The following ZNF423 variants were observed in gnomAD, a reference collection of about 807,000 sequenced individuals.
ZNF423 encodes the protein zinc finger protein 423.
In ZNF423, 12 loss-of-function variants were observed where a neutral mutation model predicts 95.8. The ratio of observed to expected loss-of-function variants is 0.13; its 90% CI spans 0.08 to 0.20. ZNF423 has a LOEUF of 0.20. ZNF423 is among the 10% of genes least tolerant of loss of function. ZNF423 has a pLI of 1.00. For missense variants in ZNF423, 1,316 were observed against 1,737.1 expected (o/e 0.76, Z 4.31); for synonymous variants, 749 against 711.9 (o/e 1.05, Z -0.83).
chr16:49,718,252 CT>C (rs1346307371), intron 3 of ZNF423, among the ~76,000 whole-genome samples: 1 of 152,030 alleles, frequency 6.6e-6, no homozygotes, highest in Admixed American at 6.6e-5. Flanking sequence ...AAACCCCTTC[CT>C]ACTAAAAATA....
intron 3 of ZNF423, among the ~76,000 whole-genome samples, chr16:49,694,758 C>T (rs1156699873): frequency 1.3e-5 from 2 of 152,174 alleles, no homozygotes; most frequent in Admixed American, 6.5e-5. Context: ...GGGCAGGCAC[C>T]GCCAGCCACA....
In ZNF423 at chr16:49,815,881, A is replaced by AATATATAT. The variant is rs1169322824; in HGVS notation, c.41-26343_41-26336dup. On this transcript the variant is annotated intron_variant, in intron 1 of 7. Transcript: ENST00000563137. ...TAATTCCAAACAAACAAAAAAAAAA[A>AATATATAT]ATATATATATATATATATATATATA... Among the ~76,000 whole-genome samples, 12 of 47,588 alleles carry AATATATAT rather than the reference A, an allele frequency of 2.5e-4. No individual in the cohort carries two copies. In the East Asian group the frequency reaches 2.6e-3, roughly 10 times the overall value. 31.2% of individuals were successfully genotyped at this position (47,588 alleles called of 152,430 possible). A position where few individuals can be genotyped will look rare whatever the true frequency, so the allele number is the denominator to read the frequency against.
chr16:49,633,104 G>A (rs1195097186), intron 4 of ZNF423, among the ~76,000 whole-genome samples: 1 of 152,224 alleles, frequency 6.6e-6, no homozygotes, highest in Non-Finnish European at 1.5e-5. Context: ...GGGCTGTGGT[G>A]CAGATGCTGC....
At chr16:49,800,080 C>A (rs1385251483) in intron 1 of ZNF423, among the ~76,000 whole-genome samples, 1 of 152,066 alleles carries the variant, frequency 6.6e-6, no homozygotes, top group African/African-American at 2.4e-5. Context: ...CCTGTCTCTA[C>A]AAAAAATGCA....
At chr16:49,801,950 G>C (rs185106321) in intron 1 of ZNF423, among the ~76,000 whole-genome samples, 29 of 152,234 alleles carry the variant, frequency 1.9e-4, no homozygotes, top group African/African-American at 6.0e-4. Context: ...CTGGGCTCAA[G>C]TGATCCTCCC....
chr16:49,752,768 T>C (rs1351782274), intron 2 of ZNF423, among the ~76,000 whole-genome samples: 2 of 152,182 alleles, frequency 1.3e-5, no homozygotes, highest in Admixed American at 6.5e-5. Flanking sequence ...TCTTCATCTG[T>C]AAAATGGGAG....
rs763083428 is a variant in ZNF423 at position 49,636,410 on chromosome 16, G to A, written c.2766C>T (p.Gly922=). 25 of 1,613,216 alleles carry A rather than the reference G, an allele frequency of 1.5e-5. No homozygotes were observed. In the East Asian group the frequency reaches 4.5e-4, roughly 29 times the overall value. Residue 922 remains glycine, a synonymous_variant, in exon 4 of 8, where the codon GGC becomes GGT. Transcript: ENST00000563137. This position sits in a 1 kb window ranked among gnomAD's most constrained non-coding sequence, Gnocchi z 8.6. ...HRLRDHNIRP[G]EDDGSRKKAE... is the part of the protein sequence containing the mutation. ...CCTTCTTGCGTGAGCCATCATCCTC[G>A]CCCGGCCGGATATTGTGGTCCCGCA...
rs1567321248 is a variant in ZNF423 at position 49,739,695 on chromosome 16, G to GTTTTTTTTTTTT, written c.101-8725_101-8724insAAAAAAAAAAAA. On this transcript the variant is annotated intron_variant, in intron 2 of 7. Transcript: ENST00000563137. The stretch of plus-strand genomic sequence containing the variant: ...CACGTTTGTTTTTTTGTTTTTGTTT[G>GTTTTTTTTTTTT]GTTTTTTTTTTTTTTTTTTTGGAGA... 1.5e-5 allele frequency among the ~76,000 whole-genome samples: 2 copies of GTTTTTTTTTTTT among 132,734 alleles called. 1 individual carries two copies. The allele number at this position is 132,734 out of a possible 152,430, so 87.1% of individuals were successfully genotyped here.
At chr16:49,558,295 G>T (rs1397816087) in intron 5 of ZNF423, among the ~76,000 whole-genome samples, 1 of 152,186 alleles carries the variant, frequency 6.6e-6, no homozygotes, top group African/African-American at 2.4e-5. Context: ...GTTAAATAAA[G>T]GATGCACAGC....
chr16:49,770,292 A>C (rs2034009619), intron 2 of ZNF423, among the ~76,000 whole-genome samples: 1 of 152,316 alleles, frequency 6.6e-6, no homozygotes, highest in South Asian at 2.1e-4. Flanking sequence ...GAGGTCTTGC[A>C]ACAACAGCAC....
At chr16:49,597,666 C>T (rs977097384) in intron 5 of ZNF423, among the ~76,000 whole-genome samples, 6 of 152,026 alleles carry the variant, frequency 3.9e-5, no homozygotes, top group East Asian at 1.9e-4. Flanking sequence ...ATGTCGGTGC[C>T]GTTCTCTTAG....
At chr16:49,778,510 C>T (rs1470547546) in intron 2 of ZNF423, among the ~76,000 whole-genome samples, 1 of 152,208 alleles carries the variant, frequency 6.6e-6, no homozygotes, top group Admixed American at 6.5e-5. Flanking sequence ...CCTTTCAGAG[C>T]AGACCCAGCC....
chr16:49,622,619 A>G (rs1972122800), intron 5 of ZNF423, among the ~76,000 whole-genome samples: 2 of 152,206 alleles, frequency 1.3e-5, no homozygotes, highest in South Asian at 4.1e-4. Flanking sequence ...CTGCATGCCC[A>G]TCAGCCTTCC....
chr16:49,636,986 G>A lies in ZNF423; in HGVS notation c.2190C>T (p.Cys730=), dbSNP rs776261239. The change falls in exon 4 of 8, where the codon TGC becomes TGT. Residue 730 remains cysteine, a synonymous_variant. Transcript: ENST00000563137. This position sits in a 1 kb window ranked among gnomAD's most constrained non-coding sequence, Gnocchi z 8.6. ...AGTCGAAGACCTCCTGACACAGGGT[G>A]CAGTGGTACAACACAAAGGTGTGCA... is the stretch of plus-strand genomic sequence containing the variant. ...LDMHTFVLYH[C]TLCQEVFDSK... The A allele has an allele frequency of 6.2e-7, 1 of 1,613,880 alleles. No individual in the cohort carries two copies. The highest frequency in any genetic ancestry group is 8.5e-7 in the Non-Finnish European group (1 of 1,180,032).
chr16:49,761,067 T>C (rs1159363819), intron 2 of ZNF423, among the ~76,000 whole-genome samples: 3 of 126,730 alleles, frequency 2.4e-5, no homozygotes, highest in Non-Finnish European at 3.4e-5. Flanking sequence ...CACACACACA[T>C]GCACACACAC....
chr16:49,572,250 G>A (rs11640577), intron 5 of ZNF423, among the ~76,000 whole-genome samples: 1 of 151,810 alleles, frequency 6.6e-6, no homozygotes, highest in Admixed American at 6.6e-5. Flanking sequence ...CAATTCCCTC[G>A]GCAGAGGGAA....
intron 7 of ZNF423, among the ~76,000 whole-genome samples, chr16:49,516,012 C>T (rs1968125526): frequency 1.3e-5 from 2 of 152,182 alleles, no homozygotes; most frequent in Non-Finnish European, 2.9e-5. Context: ...TGCGGGCTGT[C>T]TTGCACCCCC....
In ZNF423 at chr16:49,816,162, A is replaced by ACCTGC. The variant is rs535463148; in HGVS notation, c.41-26621_41-26617dup. 6.0e-3 allele frequency among the ~76,000 whole-genome samples: 917 copies of ACCTGC among 151,612 alleles called. 6 individuals are homozygous for ACCTGC. The highest frequency in any genetic ancestry group is 0.021 in the African/African-American group (880 of 41,298). ...TTGAACTCCTGGGCTCCCACGATCC[A>ACCTGC]CCTGCTTTGGCTTCCCAAAGTGCTG... On this transcript the variant is annotated intron_variant, in intron 1 of 7. Coordinates refer to ENST00000563137, the MANE Select transcript of ZNF423 (RefSeq NM_001379286.1).
chr16:49,693,069 G>A lies in ZNF423; in HGVS notation c.301+37702C>T, dbSNP rs111797933. Among the ~76,000 whole-genome samples the A allele has an allele frequency of 4.6e-5, 7 of 152,334 alleles. 1 individual carries two copies. The highest frequency in any genetic ancestry group is 1.7e-4 in the African/African-American group (7 of 41,572). ...CCATAGAGTTCATGAATAAATGTGTGAATAAATAAAAAGAGTGATAGCTAA... is the reference window on the plus strand; with the variant it reads ...CCATAGAGTTCATGAATAAATGTGTAAATAAATAAAAAGAGTGATAGCTAA... On this transcript the variant is annotated intron_variant, in intron 3 of 7. Transcript: ENST00000563137.
Sources: allele counts gnomAD v4.1 joint callset (sites outside exome capture counted in the v4.1 genomes callset), GRCh38; gene constraint gnomAD v4.1.1; non-coding constraint Gnocchi (gnomAD v3.1); transcripts MANE v1.5; gene names NCBI Gene and HGNC (gene_info 2026-07-23, HGNC 2026-07-21).